GDA: variants seen among roughly 807,000 people sequenced by gnomAD.
GDA encodes the protein guanine deaminase.
In GDA, 18 loss-of-function variants were observed where a neutral mutation model predicts 59.6. The observed-to-expected ratio is 0.30, with a 90% CI of 0.21 to 0.45. GDA has a LOEUF of 0.45. Among genes scored for constraint, GDA ranks in the 20% least tolerant of loss-of-function variants. The probability of loss-of-function intolerance (pLI) is 1.00; values close to 1 mark genes in which losing one functional copy is unlikely to be tolerated. For missense variants in GDA, 427 were observed against 552.3 expected, an observed-to-expected ratio of 0.77 and a Z score of 2.27; for synonymous variants, 201 against 201.1, an observed-to-expected ratio of 1.00 and a Z score of 0.00.
intron 2 of GDA, among the ~76,000 whole-genome samples, chr9:72,196,394 G>A (rs1833180287): frequency 6.6e-6 from 1 of 151,506 alleles, no homozygotes; most frequent in Non-Finnish European, 1.5e-5. Flanking sequence ...GCTGAGGCAG[G>A]AGAATCTCTT....
At chr9:72,206,405 T>C (rs1834712418) in intron 3 of GDA, among the ~76,000 whole-genome samples, 1 of 152,192 alleles carries the variant, frequency 6.6e-6, no homozygotes, top group Non-Finnish European at 1.5e-5. Flanking sequence ...TAAGATAATA[T>C]TTAACTTTTA....
chr9:72,121,747 G>A (rs1244949072), intron 1 of GDA, among the ~76,000 whole-genome samples: 1 of 152,124 alleles, frequency 6.6e-6, no homozygotes, highest in Admixed American at 6.5e-5. Flanking sequence ...TATCTCCACT[G>A]TACTTTGCAC....
intron 1 of GDA, chr9:72,194,299 G>T (rs1832897793): frequency 6.6e-6 from 1 of 152,098 alleles, no homozygotes. Flanking sequence ...GTTATTCAGG[G>T]CCCAAGGGCT....
intron 12 of GDA, 29 bp from the exon 13 acceptor site, chr9:72,247,376 CT>C (rs1840261137): frequency 7.3e-7 from 1 of 1,367,478 alleles, no homozygotes; most frequent in African/African-American, 1.4e-5. Context: ...ACAAATGAGT[CT>C]TTCTTATTAC....
At chr9:72,209,159 T>C (rs771733536) in intron 3 of GDA, among the ~76,000 whole-genome samples, 7 of 152,022 alleles carry the variant, frequency 4.6e-5, no homozygotes, top group Non-Finnish European at 5.9e-5. Context: ...CTCACAATTA[T>C]ATGCCTTACT....
chr9:72,171,113 CG>C (rs1829921500), intron 1 of GDA, among the ~76,000 whole-genome samples: 1 of 152,132 alleles, frequency 6.6e-6, no homozygotes, highest in Non-Finnish European at 1.5e-5. Flanking sequence ...CACCATCCAC[CG>C]TGCTCTGGGT....
intron 1 of GDA, among the ~76,000 whole-genome samples, chr9:72,189,451 T>G (rs759015070): frequency 2.0e-5 from 3 of 152,106 alleles, no homozygotes; most frequent in African/African-American, 4.8e-5. Flanking sequence ...GTGCTGGGAT[T>G]ACAGGCGTAA....
Position 72,118,173 on chromosome 9 carries a change from GAGGC to G in GDA, c.-100+3344_-100+3347del, listed in dbSNP as rs372721075. Among the ~76,000 whole-genome samples, 1,193 of 149,314 alleles carry G rather than the reference GAGGC, an allele frequency of 8.0e-3. 12 individuals are homozygous for G. Among genetic ancestry groups the G allele is most frequent in the African/African-American group, 0.028 (1,141 of 40,462 alleles). ...TGTAGTCCCAGCTACTCGGGAGGCT[GAGGC>G]AGGAGAATGGCGTGAACCCGGGAGG... On this transcript the variant is annotated intron_variant, in intron 1 of 13. Coordinates refer to the GDA transcript ENST00000545168.
chr9:72,200,563 C>T (rs559451543), intron 2 of GDA, among the ~76,000 whole-genome samples: 2 of 151,014 alleles, frequency 1.3e-5, no homozygotes, highest in South Asian at 4.2e-4. Context: ...GGACTCTCCA[C>T]AGGGCTTGGC....
Position 72,248,720 on chromosome 9 carries a change from CA to C in GDA, c.*383del. On this transcript the variant is annotated 3_prime_UTR_variant, in exon 14 of 14. Coordinates refer to ENST00000358399, the MANE Select transcript of GDA (RefSeq NM_004293.5). ...GTTAGATATTTTGAGCTAATAATTG[CA>C]AAAATTAGAAGACTGAAAATGGACC... 9.9e-7 allele frequency: 1 copy of C among 1,007,204 alleles called. No individual in the cohort carries two copies. Among genetic ancestry groups the C allele is most frequent in the East Asian group, 9.6e-5 (1 of 10,456 alleles). The allele number at this position is 1,007,204 out of a possible 1,614,324, so 62.4% of individuals were successfully genotyped here.
chr9:72,223,055 C>T (rs1252526897), intron 6 of GDA, 65 bp from the exon 7 acceptor site: 2 of 846,250 alleles, frequency 2.4e-6, no homozygotes, highest in Non-Finnish European at 3.9e-6. Flanking sequence ...GTCTTTAATC[C>T]ATCTTGAGTT....
chr9:72,182,802 GAAAGAA>G (rs1188999122), intron 1 of GDA, among the ~76,000 whole-genome samples: 1 of 152,158 alleles, frequency 6.6e-6, no homozygotes, highest in Non-Finnish European at 1.5e-5. Flanking sequence ...TCCACTGGAA[GAAAGAA>G]CTCTCCATTC....
intron 1 of GDA, among the ~76,000 whole-genome samples, chr9:72,184,982 A>G (rs968203798): frequency 6.6e-5 from 10 of 152,186 alleles, no homozygotes; most frequent in Admixed American, 1.3e-4. Context: ...AAAATGATTG[A>G]AAAAAAGTGA....
chr9:72,140,479 T>C (rs779012692), intron 1 of GDA, among the ~76,000 whole-genome samples: 9 of 152,140 alleles, frequency 5.9e-5, no homozygotes, highest in Non-Finnish European at 1.0e-4. Context: ...AGTGTGACCA[T>C]AGATTTTTCA....
chr9:72,132,894 C>T (rs374599029), intron 1 of GDA, among the ~76,000 whole-genome samples: 2 of 152,222 alleles, frequency 1.3e-5, no homozygotes, highest in South Asian at 2.1e-4. Flanking sequence ...GTTCCATTAC[C>T]GCCAAGGACA....
intron 1 of GDA, among the ~76,000 whole-genome samples, chr9:72,191,219 CACAT>C (rs1832500494): frequency 6.6e-6 from 1 of 152,138 alleles, no homozygotes; most frequent in Admixed American, 6.5e-5. Context: ...TTGGTAGGGG[CACAT>C]TTGAGCTTGG....
intron 1 of GDA, among the ~76,000 whole-genome samples, chr9:72,181,758 G>C (rs1171245796): frequency 6.6e-6 from 1 of 152,034 alleles, no homozygotes; most frequent in Non-Finnish European, 1.5e-5. Context: ...TCACATTTCA[G>C]CCTCCCAAAG....
chr9:72,135,967 A>G (rs1300666509), intron 1 of GDA, among the ~76,000 whole-genome samples: 4 of 151,916 alleles, frequency 2.6e-5, no homozygotes, highest in Non-Finnish European at 5.9e-5. Context: ...GGTATTACAA[A>G]TGGCACCTAC....
At chr9:72,213,695 C>T (rs964544870) in intron 4 of GDA, among the ~76,000 whole-genome samples, 191 bp from the exon 5 acceptor site, 1 of 149,686 alleles carries the variant, frequency 6.7e-6, no homozygotes, top group Non-Finnish European at 1.5e-5. Flanking sequence ...CCCAGCTACT[C>T]GGGAGGCTGA....
Sources: allele counts gnomAD v4.1 joint callset (sites outside exome capture counted in the v4.1 genomes callset), GRCh38; gene constraint gnomAD v4.1.1; transcripts MANE v1.5; gene names NCBI Gene and HGNC (gene_info 2026-07-23, HGNC 2026-07-21).